CAPS2: variants seen among roughly 807,000 people sequenced by gnomAD.
The protein encoded by CAPS2 is calcyphosin-2.
CAPS2 carries 98 observed loss-of-function variants against 86.5 expected under a neutral mutation model. That is an observed-to-expected ratio of 1.13 (90% CI 0.96 to 1.34). The LOEUF is 1.34. Among genes scored for constraint, CAPS2 ranks in the 40% most tolerant of loss-of-function variants. The probability of loss-of-function intolerance (pLI) is 0.00; values close to 1 mark genes in which losing one functional copy is unlikely to be tolerated. For missense variants in CAPS2, 729 were observed against 686.8 expected (o/e 1.06, Z -0.69); for synonymous variants, 210 against 225.1 (o/e 0.93, Z 0.60).
At chr12:75,327,063 G>T (rs1024298029), upstream of CAPS2, among the ~76,000 whole-genome samples, 1 of 152,124 alleles carries the variant, frequency 6.6e-6, no homozygotes, top group Non-Finnish European at 1.5e-5. Context: ...TTGACAGCTC[G>T]ATTTTAGCCC....
chr12:75,331,623 G>A (rs1231290344), upstream of CAPS2, among the ~76,000 whole-genome samples: 1 of 151,552 alleles, frequency 6.6e-6, no homozygotes, highest in Admixed American at 6.6e-5. Flanking sequence ...GAGTGCAGTG[G>A]CGGGATCTCG....
chr12:75,332,705 C>G (rs2041417093), upstream of CAPS2, among the ~76,000 whole-genome samples: 1 of 151,752 alleles, frequency 6.6e-6, no homozygotes, highest in Non-Finnish European at 1.5e-5. Flanking sequence ...TTATTGAGAG[C>G]CTAAAGATTC....
chr12:75,339,200 C>G (rs2041938383), intron 1 of CAPS2, among the ~76,000 whole-genome samples: 1 of 152,004 alleles, frequency 6.6e-6, no homozygotes, highest in Non-Finnish European at 1.5e-5. Flanking sequence ...AATGGGTAAA[C>G]TAATTTACAC....
chr12:75,276,834 C>A, downstream of CAPS2: 8 of 939,196 alleles, frequency 8.5e-6, no homozygotes, highest in Non-Finnish European at 1.0e-5. Flanking sequence ...AACAGCATTA[C>A]AACATATAAT....
upstream of CAPS2, chr12:75,334,864 G>A (rs151273008): frequency 5.9e-5 from 95 of 1,614,086 alleles, no homozygotes; most frequent in African/African-American, 1.1e-3. Context: ...CGAATGGCGT[G>A]GCAAAGTCAA....
intron 12 of CAPS2, among the ~76,000 whole-genome samples, chr12:75,292,920 A>G (rs537464956): frequency 1.3e-5 from 2 of 151,434 alleles, no homozygotes; most frequent in African/African-American, 4.8e-5. Flanking sequence ...AAAAATTGTT[A>G]TAGTATTGTA....
intron 11 of CAPS2, among the ~76,000 whole-genome samples, chr12:75,294,110 A>AT (rs1408972105): frequency 1.3e-5 from 2 of 151,564 alleles, no homozygotes; most frequent in East Asian, 1.9e-4. Context: ...TCTTATCTTT[A>AT]TTTTTTTGTA....
At chr12:75,384,358 T>G (rs1406422465) in intron 1 of CAPS2, among the ~76,000 whole-genome samples, 1 of 152,106 alleles carries the variant, frequency 6.6e-6, no homozygotes, top group Non-Finnish European at 1.5e-5. Flanking sequence ...AAAGGATAAC[T>G]GAGCAACACT....
chr12:75,359,027 C>A (rs960007452), intron 1 of CAPS2, among the ~76,000 whole-genome samples: 2 of 149,932 alleles, frequency 1.3e-5, no homozygotes, highest in Admixed American at 1.3e-4. Context: ...GGCCTCTGGG[C>A]CACACTGTGC....
intron 15 of CAPS2, among the ~76,000 whole-genome samples, chr12:75,283,858 A>T (rs1325445196): frequency 2.6e-5 from 4 of 152,120 alleles, no homozygotes; most frequent in Non-Finnish European, 5.9e-5. Flanking sequence ...ACACAGACAA[A>T]GGGAAGACCA....
At chr12:75,358,070 T>C (rs940855716) in intron 1 of CAPS2, among the ~76,000 whole-genome samples, 18 of 151,216 alleles carry the variant, frequency 1.2e-4, no homozygotes, top group Non-Finnish European at 2.5e-4. Flanking sequence ...AAGATTAACA[T>C]TTTATTAATA....
At chr12:75,344,505 T>A (rs1565963036) in intron 1 of CAPS2, among the ~76,000 whole-genome samples, 1 of 152,158 alleles carries the variant, frequency 6.6e-6, no homozygotes, top group Non-Finnish European at 1.5e-5. Context: ...ATACCTAATA[T>A]GTTTTCTCTT....
At chr12:75,332,124 T>G (rs539487926), upstream of CAPS2, among the ~76,000 whole-genome samples, 2 of 152,344 alleles carry the variant, frequency 1.3e-5, no homozygotes, top group African/African-American at 4.8e-5. Flanking sequence ...GCAATAATCT[T>G]GGATTATGTT....
intron 1 of CAPS2, among the ~76,000 whole-genome samples, chr12:75,339,661 CG>C: frequency 6.6e-6 from 1 of 151,930 alleles, no homozygotes; most frequent in Non-Finnish European, 1.5e-5. Context: ...AATATTTGCC[CG>C]TGCCTATGTC....
chr12:75,367,911 T>A (rs1411669197), intron 1 of CAPS2, among the ~76,000 whole-genome samples: 1 of 152,172 alleles, frequency 6.6e-6, no homozygotes, highest in African/African-American at 2.4e-5. Flanking sequence ...CCATTGTGTA[T>A]GTTTGTTTTA....
At chr12:75,321,228 A>G in intron 5 of CAPS2, among the ~76,000 whole-genome samples, 172 bp downstream of exon 5, 1 of 152,150 alleles carries the variant, frequency 6.6e-6, no homozygotes, top group Non-Finnish European at 1.5e-5. Context: ...GTGAAAAACA[A>G]ACTAGTCAAT....
intron 16 of CAPS2, 95 bp from the exon 17 acceptor site, chr12:75,279,160 T>C (rs2033431265): frequency 1.8e-6 from 2 of 1,120,456 alleles, no homozygotes; most frequent in Non-Finnish European, 1.3e-6. Flanking sequence ...TATGAAATAC[T>C]TTCAACAATT....
chr12:75,386,656 T>G (rs1335728021), intron 1 of CAPS2, among the ~76,000 whole-genome samples: 1 of 152,114 alleles, frequency 6.6e-6, no homozygotes, highest in Non-Finnish European at 1.5e-5. Context: ...GGGGGACATA[T>G]TCAAACAATA....
intron 1 of CAPS2, among the ~76,000 whole-genome samples, chr12:75,378,145 G>A (rs1025925407): frequency 1.2e-4 from 18 of 151,772 alleles, no homozygotes; most frequent in African/African-American, 3.6e-4. Flanking sequence ...CCACTGGCAC[G>A]TGCCACCACG....
Sources: allele counts gnomAD v4.1 joint callset (sites outside exome capture counted in the v4.1 genomes callset), GRCh38; gene constraint gnomAD v4.1.1; transcripts MANE v1.5; gene names NCBI Gene and HGNC (gene_info 2026-07-23, HGNC 2026-07-21).